ARK2C: variants seen among roughly 807,000 people sequenced by gnomAD.
The protein encoded by ARK2C is E3 ubiquitin-protein ligase ARK2C.
the ARK2C span, among the ~76,000 whole-genome samples, chr18:46,389,822 A>G: frequency 1.3e-5 from 2 of 151,752 alleles, no homozygotes; most frequent in Non-Finnish European, 1.5e-5. Flanking sequence ...TCGACTGCCC[A>G]GTCTCAGCTG....
At chr18:46,399,243 T>C in the ARK2C span, among the ~76,000 whole-genome samples, 1 of 152,140 alleles carries the variant, frequency 6.6e-6, no homozygotes, top group Non-Finnish European at 1.5e-5. Flanking sequence ...GGGGTGGGAC[T>C]GGTACTCTGG....
chr18:46,428,785 T>C, the ARK2C span, among the ~76,000 whole-genome samples: 2 of 152,236 alleles, frequency 1.3e-5, no homozygotes, highest in African/African-American at 4.8e-5. Context: ...ACATATATTA[T>C]TAAAATTAAT....
the ARK2C span, among the ~76,000 whole-genome samples, chr18:46,354,020 A>G: frequency 6.6e-6 from 1 of 152,154 alleles, no homozygotes. Flanking sequence ...GGAGAAGACA[A>G]GCTCCCCACA....
the ARK2C span, among the ~76,000 whole-genome samples, chr18:46,449,941 G>A: frequency 6.6e-6 from 1 of 152,120 alleles, no homozygotes; most frequent in Admixed American, 6.5e-5. Flanking sequence ...TGCATAACTT[G>A]AGCCAATTAC....
chr18:46,440,262 T>C, the ARK2C span, among the ~76,000 whole-genome samples: 1 of 151,208 alleles, frequency 6.6e-6, no homozygotes, highest in Non-Finnish European at 1.5e-5. Flanking sequence ...TATTACAGCA[T>C]TTTGAGAGAC....
At chr18:46,392,405 C>T in the ARK2C span, among the ~76,000 whole-genome samples, 73 of 152,320 alleles carry the variant, frequency 4.8e-4, no homozygotes, top group African/African-American at 1.7e-3. Context: ...GGCTAAGGCC[C>T]TCAGGGCCCT....
At chr18:46,414,642 C>T in the ARK2C span, among the ~76,000 whole-genome samples, 1 of 152,334 alleles carries the variant, frequency 6.6e-6, no homozygotes, top group South Asian at 2.1e-4. Flanking sequence ...CATGATCATG[C>T]CACGTACCAC....
the ARK2C span, among the ~76,000 whole-genome samples, chr18:46,424,193 C>T: frequency 2.0e-5 from 3 of 152,208 alleles, no homozygotes; most frequent in African/African-American, 7.2e-5. Context: ...GAGTTAACAT[C>T]TGCCCAGGGT....
chr18:46,369,210 G>A, the ARK2C span, among the ~76,000 whole-genome samples: 1 of 152,202 alleles, frequency 6.6e-6, no homozygotes, highest in East Asian at 1.9e-4. Context: ...TAGAAGCAAC[G>A]TGTGGTTGTT....
the ARK2C span, among the ~76,000 whole-genome samples, chr18:46,448,087 C>G: frequency 6.7e-6 from 1 of 149,398 alleles, no homozygotes; most frequent in Non-Finnish European, 1.5e-5. Flanking sequence ...CCCTGGCCCC[C>G]TTATATCCTG....
the ARK2C span, among the ~76,000 whole-genome samples, chr18:46,412,559 A>G: frequency 1.3e-5 from 2 of 152,242 alleles, no homozygotes; most frequent in Non-Finnish European, 2.9e-5. Context: ...GCCGATGTCC[A>G]GTCATGTGCT....
the ARK2C span, among the ~76,000 whole-genome samples, chr18:46,364,315 A>C: frequency 6.6e-6 from 1 of 151,692 alleles, no homozygotes; most frequent in Admixed American, 6.6e-5. Flanking sequence ...CCACCTATGC[A>C]CTTTTTACCA....
the ARK2C span, among the ~76,000 whole-genome samples, chr18:46,411,718 A>C: frequency 6.6e-6 from 1 of 152,196 alleles, no homozygotes; most frequent in Admixed American, 6.5e-5. Flanking sequence ...TACTGAAGGA[A>C]TCTCAGATAT....
the ARK2C span, among the ~76,000 whole-genome samples, chr18:46,444,589 T>C: frequency 0.018 from 2,766 of 152,172 alleles, 25 homozygotes; most frequent in Non-Finnish European, 0.028. Context: ...CTCAGCCTCC[T>C]GAGTAGCTTG....
At chr18:46,348,947 T>A in the ARK2C span, among the ~76,000 whole-genome samples, 86 of 138,008 alleles carry the variant, frequency 6.2e-4, no homozygotes, top group Non-Finnish European at 1.0e-3. Context: ...TGTGTGTGTG[T>A]GATTTCTAGA....
At chr18:46,368,509 T>C in the ARK2C span, among the ~76,000 whole-genome samples, 1 of 152,216 alleles carries the variant, frequency 6.6e-6, no homozygotes. Context: ...GTCACCTTGA[T>C]CAAAGCTTGG....
At chr18:46,362,958 G>A in the ARK2C span, among the ~76,000 whole-genome samples, 1 of 152,224 alleles carries the variant, frequency 6.6e-6, no homozygotes. Flanking sequence ...GGGCTCTTGT[G>A]TGGAGTCCAC....
chr18:46,452,637 AAAAT>A, the ARK2C span, among the ~76,000 whole-genome samples: 2 of 152,042 alleles, frequency 1.3e-5, no homozygotes, highest in South Asian at 2.1e-4. Context: ...ATTTATTATA[AAAAT>A]AAATAAATAA....
chr18:46,363,493 C>G, the ARK2C span, among the ~76,000 whole-genome samples: 1 of 152,236 alleles, frequency 6.6e-6, no homozygotes, highest in Non-Finnish European at 1.5e-5. Context: ...AGGGCTCTTT[C>G]ACTTGAGACA....
Sources: gnomAD v4.1 joint callset for allele counts (sites outside exome capture counted in the v4.1 genomes callset) on GRCh38, gnomAD v4.1.1 for gene constraint, MANE v1.5 for transcripts, NCBI Gene and HGNC (gene_info 2026-07-23, HGNC 2026-07-21) for gene names.